The following PREX2 variants were observed in gnomAD, a reference collection of about 807,000 sequenced individuals.
PREX2 encodes phosphatidylinositol-3,4,5-trisphosphate dependent Rac exchange factor 2, also known as phosphatidylinositol 3,4,5-trisphosphate-dependent Rac exchanger 2 protein.
A neutral mutation model predicts 203.2 loss-of-function variants in PREX2; 107 were observed. The ratio of observed to expected loss-of-function variants is 0.53; its 90% CI spans 0.45 to 0.62. The LOEUF (loss-of-function observed/expected upper bound fraction) is 0.62, where lower values mean the gene tolerates loss of function less well. Ranked by LOEUF, PREX2 falls within the 20% of genes least tolerant of loss-of-function variation. PREX2 has a pLI of 0.00. For missense variants in PREX2, 1,777 were observed against 1,955.9 expected (o/e 0.91, Z 1.72); for synonymous variants, 672 against 663.6 (o/e 1.01, Z -0.19).
At chr8:68,211,747 G>A (rs1323104244) in intron 37 of PREX2, among the ~76,000 whole-genome samples, 1 of 152,178 alleles carries the variant, frequency 6.6e-6, no homozygotes, top group African/African-American at 2.4e-5. Context: ...CGGGATTGGG[G>A]GAGGGGTTTG....
intron 35 of PREX2, among the ~76,000 whole-genome samples, chr8:68,180,173 G>A (rs764174210): frequency 1.4e-3 from 212 of 152,028 alleles, no homozygotes; most frequent in Non-Finnish European, 2.5e-3. Context: ...GATCAAAATG[G>A]GACATTCCTT....
At chr8:67,980,926 T>G (rs535169874) in intron 1 of PREX2, among the ~76,000 whole-genome samples, 55 of 152,340 alleles carry the variant, frequency 3.6e-4, no homozygotes, top group African/African-American at 1.3e-3. Flanking sequence ...TTCATAGCAG[T>G]GTGAGAATGG....
chr8:68,131,134 G>A, intron 31 of PREX2, among the ~76,000 whole-genome samples: 1 of 152,200 alleles, frequency 6.6e-6, no homozygotes, highest in East Asian at 1.9e-4. Flanking sequence ...TTGTTTTAAT[G>A]TGCTCTCCCA....
chr8:68,079,650 A>T (rs1451866188), intron 15 of PREX2, among the ~76,000 whole-genome samples: 1 of 108,846 alleles, frequency 9.2e-6, no homozygotes, highest in Non-Finnish European at 2.1e-5. Context: ...TAAGAAATAG[A>T]TAACTTTTTT....
intron 11 of PREX2, among the ~76,000 whole-genome samples, chr8:68,062,690 C>T (rs139597542): frequency 6.6e-5 from 10 of 152,198 alleles, no homozygotes; most frequent in Non-Finnish European, 1.0e-4. Flanking sequence ...CTCATGTCTT[C>T]CATGACCCTT....
intron 33 of PREX2, among the ~76,000 whole-genome samples, chr8:68,143,487 C>A (rs1811266323): frequency 6.6e-6 from 1 of 152,180 alleles, no homozygotes; most frequent in Non-Finnish European, 1.5e-5. Flanking sequence ...AATTAAACCT[C>A]TTTTCTTTAA....
Position 68,069,155 on chromosome 8 carries a change from A to T in PREX2, c.1443+19A>T, listed in dbSNP as rs370823895. ...TTCAAAGGTAACGACCTCTCCCACA[A>T]CCTCTCCAATAGTAGAATGCATGTT... On this transcript the variant is annotated intron_variant, in intron 12 of 39. Transcript: ENST00000288368. The T allele has an allele frequency of 4.3e-6, 5 of 1,150,810 alleles. No homozygotes were observed. Among genetic ancestry groups the T allele is most frequent in the South Asian group, 4.1e-5 (3 of 72,984 alleles). 71.3% of individuals were successfully genotyped at this position (1,150,810 alleles called of 1,614,324 possible).
At chr8:68,170,971 G>A (rs757073896) in intron 35 of PREX2, among the ~76,000 whole-genome samples, 10 of 152,046 alleles carry the variant, frequency 6.6e-5, no homozygotes, top group Non-Finnish European at 1.2e-4. Context: ...AGTGTTCTTC[G>A]TGTCAAAGTA....
chr8:68,146,707 A>G (rs1003809740), intron 34 of PREX2, among the ~76,000 whole-genome samples: 1 of 152,186 alleles, frequency 6.6e-6, no homozygotes, highest in Non-Finnish European at 1.5e-5. Flanking sequence ...CATGCAGATT[A>G]TTAAACAGAA....
chr8:68,175,170 A>G (rs964690305), intron 35 of PREX2, among the ~76,000 whole-genome samples: 1 of 152,196 alleles, frequency 6.6e-6, no homozygotes, highest in Non-Finnish European at 1.5e-5. Context: ...GTTCTGACAG[A>G]TGACTACCGG....
intron 33 of PREX2, among the ~76,000 whole-genome samples, chr8:68,145,749 C>T (rs1811312317): frequency 1.3e-5 from 2 of 151,956 alleles, no homozygotes; most frequent in South Asian, 2.1e-4. Flanking sequence ...AATATATTTC[C>T]GATCTGGTGC....
At position 67,980,132 on chromosome 8, in the gene PREX2, A is replaced by C. The variant is rs561156193; in HGVS notation, c.141+27597A>C. ...CTATGCAAAAGAGTAGCGTGATACA[A>C]AGGCACAGAGCTGAGAAAGGTTTGG... On this transcript the variant is annotated intron_variant, in intron 1 of 39. Transcript: ENST00000288368. Among the ~76,000 whole-genome samples the C allele has an allele frequency of 9.8e-5, 15 of 152,350 alleles. No individual in the cohort carries two copies. The South Asian group carries it at 3.1e-3, about 32-fold the overall frequency.
chr8:68,078,858 G>A (rs969073870), intron 15 of PREX2, among the ~76,000 whole-genome samples: 1 of 152,096 alleles, frequency 6.6e-6, no homozygotes, highest in African/African-American at 2.4e-5. Flanking sequence ...TACATCAAAA[G>A]TTTTTCATAC....
intron 11 of PREX2, among the ~76,000 whole-genome samples, chr8:68,065,975 A>C (rs936567667): frequency 2.6e-5 from 4 of 152,290 alleles, no homozygotes; most frequent in Middle Eastern, 3.4e-3. Context: ...AAATTGTGAA[A>C]TGATCACCAC....
intron 1 of PREX2, among the ~76,000 whole-genome samples, chr8:68,000,610 G>C (rs185637566): frequency 6.6e-6 from 1 of 151,988 alleles, no homozygotes; most frequent in Non-Finnish European, 1.5e-5. Flanking sequence ...TAAAATTTAC[G>C]TGGAACCAAA....
chr8:68,017,033 A>G (rs1373256504), intron 1 of PREX2, among the ~76,000 whole-genome samples: 1 of 152,190 alleles, frequency 6.6e-6, no homozygotes, highest in African/African-American at 2.4e-5. Context: ...TGAGGACATA[A>G]ATGAAATTTG....
In PREX2 at chr8:68,019,632, T is replaced by C. The variant is rs1238709918; in HGVS notation, c.297T>C (p.Pro99=). The C allele has an allele frequency of 3.1e-6, 5 of 1,613,318 alleles. No homozygotes were observed. The highest frequency in any genetic ancestry group is 2.5e-6 in the Non-Finnish European group (3 of 1,179,632). ...TGGAAGAATGCTTACACCCCGAACC[T>C]AATGCTCAACAAGAAGTGGGAACCT... The part of the protein sequence containing the change: ...KVVEECLHPE[P]NAQQEVGTCF... The change falls in exon 3 of 40, where the codon CCT becomes CCC. Residue 99 remains proline (P), a synonymous_variant. Transcript: ENST00000288368.
chr8:68,217,739 G>A, intron 38 of PREX2, 21 bp downstream of exon 38: 3 of 1,568,890 alleles, frequency 1.9e-6, no homozygotes, highest in South Asian at 1.1e-5. Context: ...TGCAGACTTG[G>A]GAATAGTTGT....
chr8:68,111,252 T>A (rs977760337), intron 25 of PREX2, among the ~76,000 whole-genome samples: 3 of 152,158 alleles, frequency 2.0e-5, no homozygotes, highest in Admixed American at 2.0e-4. Flanking sequence ...CCAAGAGTTG[T>A]TATTGCTATT....
Sources: gnomAD v4.1 joint callset for allele counts (sites outside exome capture counted in the v4.1 genomes callset) on GRCh38, gnomAD v4.1.1 for gene constraint, MANE v1.5 for transcripts, NCBI Gene and HGNC (gene_info 2026-07-23, HGNC 2026-07-21) for gene names.